The following LRRTM4 variants were observed in gnomAD, a reference collection of about 807,000 sequenced individuals.
The protein encoded by LRRTM4 is leucine-rich repeat transmembrane neuronal protein 4.
LRRTM4 carries 25 observed loss-of-function variants against 47.6 expected under a neutral mutation model. The ratio of observed to expected loss-of-function variants is 0.53; its 90% confidence interval spans 0.38 to 0.73. The LOEUF is 0.73. LRRTM4 is among the 30% of genes least tolerant of loss of function. The pLI, the probability that LRRTM4 is intolerant of heterozygous loss-of-function variation, is 0.00. For synonymous variants in LRRTM4, 311 were observed against 269.5 expected, an observed-to-expected ratio of 1.15 and a Z score of -1.51; for missense variants, 638 against 713.4, an observed-to-expected ratio of 0.89 and a Z score of 1.20.
At chr2:77,447,856 G>A (rs180784258) in intron 3 of LRRTM4, among the ~76,000 whole-genome samples, 8 of 152,228 alleles carry the variant, frequency 5.3e-5, no homozygotes, top group South Asian at 2.1e-4. Flanking sequence ...AACATTCCTC[G>A]TGTTGTTGGA....
intron 3 of LRRTM4, among the ~76,000 whole-genome samples, chr2:77,160,630 G>T (rs992823442): frequency 6.6e-6 from 1 of 152,068 alleles, no homozygotes; most frequent in African/African-American, 2.4e-5. Context: ...GTACAATGAA[G>T]ACTGACAGCT....
chr2:77,352,770 T>G (rs2104299237), intron 3 of LRRTM4, among the ~76,000 whole-genome samples: 1 of 152,190 alleles, frequency 6.6e-6, no homozygotes, highest in South Asian at 2.1e-4. Flanking sequence ...TTGTTTTTCC[T>G]TAGTACAAGC....
At chr2:76,975,126 T>C (rs1417891740) in intron 3 of LRRTM4, among the ~76,000 whole-genome samples, 1 of 151,744 alleles carries the variant, frequency 6.6e-6, no homozygotes, top group Non-Finnish European at 1.5e-5. Context: ...ACTGGTTGAT[T>C]ACCACTGGGT....
intron 3 of LRRTM4, among the ~76,000 whole-genome samples, chr2:76,880,802 C>G (rs2104104347): frequency 6.6e-6 from 1 of 152,230 alleles, no homozygotes; most frequent in Admixed American, 6.5e-5. Context: ...ACAACAATAT[C>G]AGCAATGGCT....
At chr2:76,794,246 T>C (rs1036873157) in intron 3 of LRRTM4, among the ~76,000 whole-genome samples, 8 of 152,236 alleles carry the variant, frequency 5.3e-5, no homozygotes, top group Non-Finnish European at 1.2e-4. Context: ...ACCTGATTGT[T>C]TCTTATACTC....
At chr2:76,957,722 G>A (rs1471087776) in intron 3 of LRRTM4, among the ~76,000 whole-genome samples, 2 of 151,012 alleles carry the variant, frequency 1.3e-5, no homozygotes, top group South Asian at 4.1e-4. Flanking sequence ...CTATAAATTT[G>A]ATGCACTTTC....
intron 3 of LRRTM4, among the ~76,000 whole-genome samples, chr2:77,081,616 C>A (rs1442412292): frequency 6.6e-6 from 1 of 151,936 alleles, no homozygotes; most frequent in Non-Finnish European, 1.5e-5. Flanking sequence ...ACTTTCTTCC[C>A]AAAAAATGGC....
intron 3 of LRRTM4, among the ~76,000 whole-genome samples, chr2:77,173,559 T>C (rs1377862816): frequency 1.3e-5 from 2 of 152,128 alleles, no homozygotes; most frequent in Non-Finnish European, 2.9e-5. Flanking sequence ...TTTATTAAAT[T>C]AAACCAAAAA....
At chr2:76,773,530 G>C (rs1171513303) in intron 3 of LRRTM4, among the ~76,000 whole-genome samples, 1 of 152,044 alleles carries the variant, frequency 6.6e-6, no homozygotes, top group Non-Finnish European at 1.5e-5. Context: ...ATATAGTAAA[G>C]TGATGTCATT....
In LRRTM4 at chr2:77,140,303, C is replaced by A. The variant is rs13034199; in HGVS notation, c.1551+378015G>T. Among the ~76,000 whole-genome samples, 56 of 152,140 alleles carry A rather than the reference C, an allele frequency of 3.7e-4. 1 individual carries two copies. The highest frequency in any genetic ancestry group is 1.3e-3 in the African/African-American group (53 of 41,500). ...TATAGACCAGTGGAACAGAACAGAGCCTTCAGAAATAATACCACACATCTA... is the reference window on the plus strand; with the variant it reads ...TATAGACCAGTGGAACAGAACAGAGACTTCAGAAATAATACCACACATCTA... On this transcript the variant is annotated intron_variant, in intron 3 of 3. Coordinates refer to ENST00000409884, the MANE Select transcript of LRRTM4 (RefSeq NM_001134745.3).
At chr2:77,171,505 G>A (rs1239416367) in intron 3 of LRRTM4, among the ~76,000 whole-genome samples, 1 of 152,010 alleles carries the variant, frequency 6.6e-6, no homozygotes, top group African/African-American at 2.4e-5. Context: ...TCGAACTCCT[G>A]ACCTCAAGTG....
At chr2:76,937,791 C>T (rs1573339487) in intron 3 of LRRTM4, among the ~76,000 whole-genome samples, 1 of 152,026 alleles carries the variant, frequency 6.6e-6, no homozygotes, top group Admixed American at 6.6e-5. Context: ...TGGTCTCGAT[C>T]TCGTGATCTC....
At chr2:77,484,488 T>G (rs1248464009) in intron 3 of LRRTM4, among the ~76,000 whole-genome samples, 4 of 152,156 alleles carry the variant, frequency 2.6e-5, no homozygotes, top group Non-Finnish European at 5.9e-5. Flanking sequence ...GTCCACAGAT[T>G]TGAGATTTGT....
chr2:76,820,954 T>C (rs1454560193), intron 3 of LRRTM4, among the ~76,000 whole-genome samples: 1 of 151,768 alleles, frequency 6.6e-6, no homozygotes, highest in African/African-American at 2.4e-5. Context: ...CTAATGCATC[T>C]GAAATTCTTT....
Position 77,410,559 on chromosome 2 carries a change from G to A in LRRTM4, c.1551+107759C>T, listed in dbSNP as rs1674378659. Reference sequence around the variant, plus strand: ...TAAATGAGATAGATCCTATGGGAAAGTACATTGAGGATGGGGTGCTTATAA... The same window carrying A: ...TAAATGAGATAGATCCTATGGGAAAATACATTGAGGATGGGGTGCTTATAA... On this transcript the variant is annotated intron_variant, in intron 3 of 3. Transcript: ENST00000409884. Among the ~76,000 whole-genome samples, 2 of 152,188 alleles carry A rather than the reference G, an allele frequency of 1.3e-5. 1 individual carries two copies. Among genetic ancestry groups the A allele is most frequent in the Admixed American group, 1.3e-4 (2 of 15,284 alleles).
At chr2:77,080,649 C>T (rs956196666) in intron 3 of LRRTM4, among the ~76,000 whole-genome samples, 2 of 151,902 alleles carry the variant, frequency 1.3e-5, no homozygotes, top group African/African-American at 4.8e-5. Flanking sequence ...CTTGACCTCT[C>T]TCTTTCTCAT....
chr2:76,779,383 T>C (rs1283668323), intron 3 of LRRTM4, among the ~76,000 whole-genome samples: 1 of 151,066 alleles, frequency 6.6e-6, no homozygotes, highest in East Asian at 1.9e-4. Context: ...CCATTATTAA[T>C]GTATGGGAGT....
chr2:77,178,829 T>G (rs1451524442), intron 3 of LRRTM4, among the ~76,000 whole-genome samples: 1 of 152,180 alleles, frequency 6.6e-6, no homozygotes, highest in African/African-American at 2.4e-5. Context: ...GAAAAATATT[T>G]GCACCAAAAG....
At chr2:77,081,568 G>A (rs1680535098) in intron 3 of LRRTM4, among the ~76,000 whole-genome samples, 1 of 152,020 alleles carries the variant, frequency 6.6e-6, no homozygotes, top group Non-Finnish European at 1.5e-5. Context: ...AAGAAGTCAA[G>A]CTTTCATCAC....
Sources: allele counts gnomAD v4.1 joint callset (sites outside exome capture counted in the v4.1 genomes callset), GRCh38; gene constraint gnomAD v4.1.1; transcripts MANE v1.5; gene names NCBI Gene and HGNC (gene_info 2026-07-23, HGNC 2026-07-21).